PLXDC2: variants seen among roughly 807,000 people sequenced by gnomAD.
The protein encoded by PLXDC2 is plexin domain containing 2.
Under a neutral mutation model 68.9 loss-of-function variants are expected in PLXDC2, and 40 were observed. The ratio of observed to expected loss-of-function variants is 0.58; its 90% CI spans 0.45 to 0.76. PLXDC2 has a LOEUF of 0.76. Ranked by LOEUF, PLXDC2 falls within the 30% of genes least tolerant of loss-of-function variation. The probability of loss-of-function intolerance (pLI) is 0.00; values close to 1 mark genes in which losing one functional copy is unlikely to be tolerated. For synonymous variants in PLXDC2, 243 were observed against 234.2 expected (o/e 1.04, Z -0.34); for missense variants, 644 against 661.9 (o/e 0.97, Z 0.30).
Position 19,874,519 on chromosome 10 carries a change from A to T in PLXDC2, c.112+57328A>T, listed in dbSNP as rs185945757. ...AATGTGTAGGAATTGCAAAAGTAGG[A>T]TCCCTGCCCTCAGTGGACTGTAGGT... is the stretch of plus-strand genomic sequence containing the variant. On this transcript the variant is annotated intron_variant, in intron 1 of 13. Transcript: ENST00000377252. Among the ~76,000 whole-genome samples, 5 of 152,278 alleles carry T rather than the reference A, an allele frequency of 3.3e-5. No individual in the cohort carries two copies. The East Asian group carries it at 7.7e-4, about 24-fold the overall frequency.
chr10:20,004,131 G>A (rs1031221996), intron 2 of PLXDC2, among the ~76,000 whole-genome samples: 1 of 152,196 alleles, frequency 6.6e-6, no homozygotes, highest in African/African-American at 2.4e-5. Flanking sequence ...CCTGCAAATA[G>A]TATCAAGGCA....
At chr10:20,123,704 G>A (rs942161594) in intron 4 of PLXDC2, among the ~76,000 whole-genome samples, 1 of 151,484 alleles carries the variant, frequency 6.6e-6, no homozygotes, top group African/African-American at 2.4e-5. Context: ...GGGTTCGGGG[G>A]TTCTTACCCT....
At chr10:20,180,528 T>C (rs1403093114) in intron 9 of PLXDC2, among the ~76,000 whole-genome samples, 1 of 151,984 alleles carries the variant, frequency 6.6e-6, no homozygotes, top group Non-Finnish European at 1.5e-5. Flanking sequence ...GGAGAAGTCT[T>C]ATCCTAAGCA....
At chr10:20,240,056 G>GT (rs995788325) in intron 12 of PLXDC2, among the ~76,000 whole-genome samples, 17 of 152,278 alleles carry the variant, frequency 1.1e-4, no homozygotes, top group Admixed American at 9.2e-4. Flanking sequence ...CCAATAGGTA[G>GT]TTTTTTAATC....
In PLXDC2 at chr10:19,879,685, A is replaced by T. The variant is rs1837694616; in HGVS notation, c.112+62494A>T. 2.6e-5 allele frequency among the ~76,000 whole-genome samples: 4 copies of T among 152,162 alleles called. No homozygotes were observed. The South Asian group carries it at 8.3e-4, about 32-fold the overall frequency. ...TGCAGTAAAAGTATGTTTTAGAAGG[A>T]TTAATTTAGGTGTGTCCTATAGGAC... On this transcript the variant is annotated intron_variant, in intron 1 of 13. Coordinates refer to ENST00000377252, the MANE Select transcript of PLXDC2 (RefSeq NM_032812.9).
In PLXDC2 at chr10:19,866,061, T is replaced by A. The variant is rs567402936; in HGVS notation, c.112+48870T>A. The stretch of plus-strand genomic sequence containing the variant: ...CTGGAATGGATACATTGCAAAAAAA[T>A]TATCTTGTAGGTAATTTGTAGTTTT... On this transcript the variant is annotated intron_variant, in intron 1 of 13. Transcript: ENST00000377252. 1.2e-4 allele frequency among the ~76,000 whole-genome samples: 18 copies of A among 152,308 alleles called. 1 individual carries two copies. In the East Asian group the frequency reaches 2.9e-3, roughly 24 times the overall value.
At chr10:20,028,607 T>C (rs1054255839) in intron 2 of PLXDC2, among the ~76,000 whole-genome samples, 1 of 152,250 alleles carries the variant, frequency 6.6e-6, no homozygotes, top group Non-Finnish European at 1.5e-5. Context: ...CCTTCTGGAC[T>C]GTCTCAGTTA....
chr10:19,823,181 G>A (rs1260002272), intron 1 of PLXDC2, among the ~76,000 whole-genome samples: 1 of 151,992 alleles, frequency 6.6e-6, no homozygotes, highest in African/African-American at 2.4e-5. Flanking sequence ...CTCCCAAAGT[G>A]CTGGGATGTT....
In PLXDC2 at chr10:20,177,018, T is replaced by A. The variant is rs1193129600; in HGVS notation, c.903T>A (p.Ile301=). 6.2e-7 allele frequency: 1 copy of A among 1,609,846 alleles called. No homozygotes were observed. Among genetic ancestry groups the A allele is most frequent in the African/African-American group, 1.3e-5 (1 of 74,754 alleles). ...QQIPNVRRRT[I]YEYHRVELQM... ...TTCTAGATGTTCGAAGAAGAACAAT[T>A]TATGAATACCACCGAGTAGAGCTAC... The change falls in exon 8 of 14, where the codon ATT becomes ATA. Residue 301 remains isoleucine, a synonymous_variant. Coordinates refer to ENST00000377252, the MANE Select transcript of PLXDC2 (RefSeq NM_032812.9).
chr10:20,270,232 A>G (rs1451432686), intron 13 of PLXDC2, among the ~76,000 whole-genome samples: 1 of 152,084 alleles, frequency 6.6e-6, no homozygotes, highest in Non-Finnish European at 1.5e-5. Flanking sequence ...TACAGGAGCC[A>G]TGTGAAGGAA....
intron 1 of PLXDC2, among the ~76,000 whole-genome samples, chr10:19,889,464 A>G (rs1284926747): frequency 6.6e-6 from 1 of 152,202 alleles, no homozygotes; most frequent in Non-Finnish European, 1.5e-5. Context: ...ATTTAATTAA[A>G]TAGTGTCCTA....
chr10:20,035,232 C>G (rs1258669680), intron 2 of PLXDC2, among the ~76,000 whole-genome samples: 1 of 152,080 alleles, frequency 6.6e-6, no homozygotes, highest in Non-Finnish European at 1.5e-5. Flanking sequence ...CATCAAACCT[C>G]CTAGAAAAAT....
At position 20,064,847 on chromosome 10, in the gene PLXDC2, AGTGAAATGATTCCG is replaced by A. The variant is rs1179651755; in HGVS notation, c.472-3321_472-3308del. On this transcript the variant is annotated intron_variant, in intron 3 of 13. Coordinates refer to ENST00000377252, the MANE Select transcript of PLXDC2 (RefSeq NM_032812.9). ...TGAATGTCCCAGCCTCCTGACCTCCAGTGAAATGATTCCGGGCATGTTTTTGCTTTGTTTTGTTT... is the reference window on the plus strand; with the variant it reads ...TGAATGTCCCAGCCTCCTGACCTCCAGGCATGTTTTTGCTTTGTTTTGTTT... Among the ~76,000 whole-genome samples the A allele has an allele frequency of 3.9e-5, 6 of 152,198 alleles. No homozygotes were observed. In the East Asian group the frequency reaches 1.2e-3, roughly 30 times the overall value.
chr10:19,935,671 C>A (rs1368466498), intron 1 of PLXDC2, among the ~76,000 whole-genome samples: 1 of 152,184 alleles, frequency 6.6e-6, no homozygotes, highest in African/African-American at 2.4e-5. Flanking sequence ...TGACCTGCCT[C>A]CTATGTTTTA....
At chr10:20,268,184 T>C (rs879385423) in intron 13 of PLXDC2, among the ~76,000 whole-genome samples, 10 of 152,210 alleles carry the variant, frequency 6.6e-5, no homozygotes, top group African/African-American at 2.4e-4. Flanking sequence ...TGTTCCTTTT[T>C]TCAGGGTCAT....
intron 1 of PLXDC2, among the ~76,000 whole-genome samples, chr10:19,912,105 G>A (rs985922117): frequency 1.3e-5 from 2 of 152,100 alleles, no homozygotes; most frequent in South Asian, 2.1e-4. Flanking sequence ...GACTTTGGAC[G>A]AACAGCCCTG....
intron 4 of PLXDC2, among the ~76,000 whole-genome samples, chr10:20,101,815 T>C (rs1237772033): frequency 6.6e-6 from 1 of 152,080 alleles, no homozygotes; most frequent in Non-Finnish European, 1.5e-5. Flanking sequence ...TAATTGTTTT[T>C]GAGATAGAAT....
At chr10:20,016,486 T>G (rs1186011761) in intron 2 of PLXDC2, among the ~76,000 whole-genome samples, 1 of 152,228 alleles carries the variant, frequency 6.6e-6, no homozygotes, top group Non-Finnish European at 1.5e-5. Context: ...ACTGGGATTC[T>G]TTGTCTAGCA....
At chr10:20,206,448 G>C (rs769746354) in intron 9 of PLXDC2, among the ~76,000 whole-genome samples, 2 of 152,080 alleles carry the variant, frequency 1.3e-5, no homozygotes, top group Non-Finnish European at 2.9e-5. Context: ...GATTTGGATT[G>C]GGTTTGCCAG....
Sources: allele counts gnomAD v4.1 joint callset (sites outside exome capture counted in the v4.1 genomes callset), GRCh38; gene constraint gnomAD v4.1.1; transcripts MANE v1.5; gene names NCBI Gene and HGNC (gene_info 2026-07-23, HGNC 2026-07-21).